The following RARB variants were observed in gnomAD, a reference collection of about 807,000 sequenced individuals.
The protein encoded by RARB is HBV-activated protein.
RARB carries 17 observed loss-of-function variants against 51.9 expected under a neutral mutation model. That is an observed-to-expected ratio of 0.33 (90% confidence interval 0.22 to 0.49). RARB has a LOEUF of 0.49. Ranked by LOEUF, RARB falls within the 20% of genes least tolerant of loss-of-function variation. The pLI, the probability that RARB is intolerant of heterozygous loss-of-function variation, is 0.99. For synonymous variants in RARB, 215 were observed against 195.4 expected (o/e 1.10, Z -0.84); for missense variants, 369 against 550.8 (o/e 0.67, Z 3.30).
At chr3:24,979,841 G>A (rs986740573) in intron 2 of RARB, among the ~76,000 whole-genome samples, 14 of 152,078 alleles carry the variant, frequency 9.2e-5, no homozygotes, top group African/African-American at 2.7e-4. Flanking sequence ...TATTTCACCC[G>A]TTAATTGATG....
chr3:24,946,066 T>C (rs996098368), intron 2 of RARB, among the ~76,000 whole-genome samples: 2 of 151,702 alleles, frequency 1.3e-5, no homozygotes, highest in East Asian at 2.0e-4. Flanking sequence ...GAGATCGAGA[T>C]CATCCTGGCT....
chr3:25,443,713 C>T lies in RARB; in HGVS notation c.157+14825C>T, dbSNP rs575743283. On this transcript the variant is annotated intron_variant, in intron 1 of 7. Coordinates refer to ENST00000330688, the MANE Select transcript of RARB (RefSeq NM_000965.5). ...TTGGGAGTCTAAGGTGGGCAGATCA[C>T]CTGAGCTCAGGAGTTCAAGACCAGC... Among the ~76,000 whole-genome samples, 6 of 152,148 alleles carry T rather than the reference C, an allele frequency of 3.9e-5. No homozygotes were observed. In the East Asian group the frequency reaches 1.2e-3, roughly 29 times the overall value.
At chr3:24,992,036 G>A (rs1291258997) in intron 2 of RARB, among the ~76,000 whole-genome samples, 1 of 152,032 alleles carries the variant, frequency 6.6e-6, no homozygotes, top group African/African-American at 2.4e-5. Context: ...CTTATACCAG[G>A]GCACTCCCCA....
Position 25,565,400 on chromosome 3 carries a change from A to T in RARB, c.449-4358A>T, listed in dbSNP as rs576982889. Among the ~76,000 whole-genome samples, 42 of 152,276 alleles carry T rather than the reference A, an allele frequency of 2.8e-4. 2 individuals are homozygous for T. Among genetic ancestry groups the T allele is most frequent in the Admixed American group, 2.7e-3 (42 of 15,292 alleles). On this transcript the variant is annotated intron_variant, in intron 3 of 7. Coordinates refer to ENST00000330688, the MANE Select transcript of RARB (RefSeq NM_000965.5). ...GTATTGTGGTAAATAATACTCTCGT[A>T]TATTAATTGCAGTACATGTAATAAT...
chr3:24,981,277 G>A (rs1696665276), intron 2 of RARB, among the ~76,000 whole-genome samples: 1 of 152,224 alleles, frequency 6.6e-6, no homozygotes, highest in African/African-American at 2.4e-5. Context: ...TGAACGCCAT[G>A]TTGGGAGAAC....
At chr3:24,839,883 C>T (rs568700671) in intron 1 of RARB, among the ~76,000 whole-genome samples, 9 of 152,110 alleles carry the variant, frequency 5.9e-5, no homozygotes, top group Non-Finnish European at 1.0e-4. Flanking sequence ...TGAAGAGGCT[C>T]GAAAAATGTA....
At chr3:25,125,072 T>C (rs765382083) in intron 3 of RARB, among the ~76,000 whole-genome samples, 5 of 152,180 alleles carry the variant, frequency 3.3e-5, no homozygotes, top group Non-Finnish European at 5.9e-5. Context: ...ATACAACAGT[T>C]AGAAACTATT....
chr3:25,073,342 T>G lies in RARB; in HGVS notation c.-328+13166T>G, dbSNP rs112833962. Among the ~76,000 whole-genome samples the G allele has an allele frequency of 9.9e-3, 1,514 of 152,334 alleles. 31 individuals are homozygous for G. The highest frequency in any genetic ancestry group is 0.035 in the African/African-American group (1,440 of 41,574). ...CTTAATGTGTTTGATCCCTCAATTT[T>G]AAAACACAAATTCAATGCAGGTCAT... On this transcript the variant is annotated intron_variant, in intron 3 of 11. Transcript: ENST00000383772.
intron 3 of RARB, among the ~76,000 whole-genome samples, chr3:25,108,922 T>C (rs1460889176): frequency 6.6e-6 from 1 of 152,210 alleles, no homozygotes; most frequent in African/African-American, 2.4e-5. Context: ...AAGTGGGTAC[T>C]CTGTATAAAA....
intron 5 of RARB, among the ~76,000 whole-genome samples, chr3:25,405,016 A>G (rs1162563232): frequency 1.3e-5 from 2 of 152,168 alleles, no homozygotes; most frequent in African/African-American, 4.8e-5. Flanking sequence ...TATAATTTCT[A>G]AATCCCACCA....
At chr3:25,550,306 G>T (rs539981901) in intron 3 of RARB, among the ~76,000 whole-genome samples, 2 of 152,052 alleles carry the variant, frequency 1.3e-5, no homozygotes, top group Non-Finnish European at 2.9e-5. Context: ...AGTCTGTTTG[G>T]GCTGCTGTAA....
At chr3:25,186,884 CCT>C (rs1491305307) in intron 5 of RARB, among the ~76,000 whole-genome samples, 1 of 58,820 alleles carries the variant, frequency 1.7e-5, no homozygotes, top group African/African-American at 5.7e-5. Context: ...AAAAGGTAAG[CCT>C]GTGTGTGTGT....
At chr3:24,830,420 C>CGTGTGT (rs59434163) in intron 1 of RARB, among the ~76,000 whole-genome samples, 4,967 of 121,456 alleles carry the variant, frequency 0.041, 166 homozygotes, top group East Asian at 0.12. Flanking sequence ...TGACAGAAGA[C>CGTGTGT]GTGTGTGTGT....
At chr3:24,922,651 G>GA (rs1277042240) in intron 2 of RARB, among the ~76,000 whole-genome samples, 2 of 152,128 alleles carry the variant, frequency 1.3e-5, no homozygotes, top group African/African-American at 2.4e-5. Context: ...ATGGGTGGTA[G>GA]AAAAAAGAGA....
At chr3:25,312,853 C>G (rs1361573659) in intron 5 of RARB, among the ~76,000 whole-genome samples, 1 of 152,212 alleles carries the variant, frequency 6.6e-6, no homozygotes, top group African/African-American at 2.4e-5. Flanking sequence ...CTCTCTGGTT[C>G]TCCTCAATCT....
intron 5 of RARB, among the ~76,000 whole-genome samples, chr3:25,283,697 G>T (rs1703579659): frequency 6.6e-6 from 1 of 152,156 alleles, no homozygotes; most frequent in South Asian, 2.1e-4. Flanking sequence ...TCTGCTGTGG[G>T]GCTGCTGTAC....
chr3:24,945,496 A>G (rs531122097), intron 2 of RARB, among the ~76,000 whole-genome samples: 1 of 152,342 alleles, frequency 6.6e-6, no homozygotes, highest in Admixed American at 6.5e-5. Context: ...CCACCTATTT[A>G]GCTCTTGATT....
chr3:25,452,664 CG>C (rs55890354), intron 1 of RARB, among the ~76,000 whole-genome samples: 81,748 of 149,364 alleles, frequency 0.55, 22,834 homozygotes, highest in African/African-American at 0.71. Context: ...ATTTAAAAAG[CG>C]GGGGGGGTTT....
rs1285441124 is a variant in RARB at position 25,457,815 on chromosome 3, A to G, written c.158-3378A>G. Among the ~76,000 whole-genome samples the G allele has an allele frequency of 4.6e-5, 7 of 152,160 alleles. No individual in the cohort carries two copies. The South Asian group carries it at 6.2e-4, about 14-fold the overall frequency. On this transcript the variant is annotated intron_variant, in intron 1 of 7. Coordinates refer to ENST00000330688, the MANE Select transcript of RARB (RefSeq NM_000965.5). ...CAGCCCTACCAGAATTCTATTTACA[A>G]CTTTCCTAGACAGGCCAGATTAGCT...
Sources: gnomAD v4.1 joint callset for allele counts (sites outside exome capture counted in the v4.1 genomes callset) on GRCh38, gnomAD v4.1.1 for gene constraint, MANE v1.5 for transcripts, NCBI Gene and HGNC (gene_info 2026-07-23, HGNC 2026-07-21) for gene names.